Variants in PDGFA observed in about 807,000 individuals in gnomAD.
The protein encoded by PDGFA is platelet-derived growth factor subunit A.
A neutral mutation model predicts 25.6 loss-of-function variants in PDGFA; 9 were observed. The observed-to-expected ratio is 0.35, with a 90% CI of 0.21 to 0.61. The LOEUF (loss-of-function observed/expected upper bound fraction) is 0.61. PDGFA is among the 20% of genes least tolerant of loss of function. The probability of loss-of-function intolerance (pLI) is 0.75; values close to 1 mark genes in which losing one functional copy is unlikely to be tolerated. For missense variants in PDGFA, 242 were observed against 272.8 expected (o/e 0.89, Z 0.79); for synonymous variants, 133 against 111.8 (o/e 1.19, Z -1.20).
chr7:516,042 C>G (rs1452189711), intron 2 of PDGFA, among the ~76,000 whole-genome samples: 13 of 54,334 alleles, frequency 2.4e-4, no homozygotes, highest in Non-Finnish European at 3.9e-4. Flanking sequence ...AGGAAGCAGC[C>G]CCCCCCCCCC....
At chr7:514,433 C>T (rs1562492532) in intron 2 of PDGFA, among the ~76,000 whole-genome samples, 1 of 152,224 alleles carries the variant, frequency 6.6e-6, no homozygotes, top group African/African-American at 2.4e-5. Context: ...CAAGCCCACC[C>T]TTTGCTCCCA....
chr7:497,959 C>CAAAAAAAAAAAAAAAAAAACAAAAA, exon 6 of PDGFA: 1 of 56,688 alleles, frequency 1.8e-5, no homozygotes, highest in Non-Finnish European at 3.0e-5. Context: ...AAAAAAAAAA[C>CAAAAAAAAAAAAAAAAAAACAAAAA]AAAAAAAAAA....
intron 4 of PDGFA, among the ~76,000 whole-genome samples, chr7:501,808 G>A (rs895395444): frequency 6.6e-6 from 1 of 152,212 alleles, no homozygotes; most frequent in Non-Finnish European, 1.5e-5. Flanking sequence ...GCTGAAGGAT[G>A]CACACTGCTA....
At chr7:505,039 C>T (rs1008248725) in intron 4 of PDGFA, among the ~76,000 whole-genome samples, 2 of 152,236 alleles carry the variant, frequency 1.3e-5, no homozygotes, top group African/African-American at 2.4e-5. Flanking sequence ...ATGATTGCAC[C>T]TGTTTCTGAG....
At chr7:499,105 A>G (rs1782214328) in intron 5 of PDGFA, among the ~76,000 whole-genome samples, 1 of 152,218 alleles carries the variant, frequency 6.6e-6, no homozygotes, top group East Asian at 1.9e-4. Context: ...CATGAGTACC[A>G]GCCAGGCATG....
rs568540825 is a variant in PDGFA, at chr7:512,252, G to C, written c.265+99C>G. On this transcript the variant is annotated intron_variant, in intron 3 of 5. Transcript: ENST00000402802. ...CCTGAGGCCACTGCGCTGGGAGAGC[G>C]GGCAGCTCCTCCCCACCCGGCCCTG... 34 of 1,134,204 alleles carry C rather than the reference G, an allele frequency of 3.0e-5. No individual in the cohort carries two copies. The African/African-American group carries it at 4.8e-4, about 16-fold the overall frequency. 70.3% of individuals were successfully genotyped at this position (1,134,204 alleles called of 1,614,324 possible). A position where few individuals can be genotyped will look rare whatever the true frequency, so the allele number is the denominator to read the frequency against.
At chr7:498,264 G>A (rs13308088) in exon 6 of PDGFA, 12 of 469,226 alleles carry the variant, frequency 2.6e-5, no homozygotes, top group Non-Finnish European at 4.2e-5. Flanking sequence ...ATCGAGTTTA[G>A]ATATTTTTGT....
chr7:510,964 T>C (rs1349481411), exon 4 of PDGFA: 2 of 1,612,648 alleles, frequency 1.2e-6, no homozygotes, highest in African/African-American at 2.7e-5. Context: ...TAAATGACCG[T>C]CCTGGTCTTG....
rs1323166852 is a variant in PDGFA, at chr7:512,208, G to C, written c.265+143C>G. ...ACCAGGGCCAGGCCTATTTTAGGGAGGAGGGAACGGGTGGCTTGCCTGAGG... is the reference window on the plus strand; with the variant it reads ...ACCAGGGCCAGGCCTATTTTAGGGACGAGGGAACGGGTGGCTTGCCTGAGG... On this transcript the variant is annotated intron_variant, in intron 3 of 5. Coordinates refer to ENST00000402802, the Ensembl canonical transcript of PDGFA. 2.0e-5 allele frequency: 15 copies of C among 737,960 alleles called. No homozygotes were observed. In the Admixed American group the frequency reaches 2.3e-4, roughly 11 times the overall value. 45.7% of individuals were successfully genotyped at this position (737,960 alleles called of 1,614,324 possible). A position where few individuals can be genotyped will look rare whatever the true frequency, so the allele number is the denominator to read the frequency against.
Position 500,597 on chromosome 7 carries a change from AG to A in PDGFA, c.580+518del, listed in dbSNP as rs1169864816. ...ACCTACGGCATTTGTTTATCTTTCC[AG>A]AAGAGAAGGCCAGCACCCTGGCACC... On this transcript the variant is annotated intron_variant, in intron 5 of 5. Coordinates refer to ENST00000402802, the Ensembl canonical transcript of PDGFA. This position sits in a 1 kb window ranked among gnomAD's most constrained non-coding sequence, Gnocchi z 5.0. 8.2e-6 allele frequency: 13 copies of A among 1,590,004 alleles called. No homozygotes were observed. Among genetic ancestry groups the A allele is most frequent in the Non-Finnish European group, 9.4e-6 (11 of 1,169,734 alleles).
rs757957328 is a variant in PDGFA, at chr7:500,486, C to T, written c.580+630G>A. ...TTTTTCTTTTCCGTTTTTTACCTGA[C>T]TCCCTAGGCCTTCCTGTTAACAAAA... is the stretch of plus-strand genomic sequence containing the variant. On this transcript the variant is annotated intron_variant, in intron 5 of 5. Coordinates refer to ENST00000402802, the Ensembl canonical transcript of PDGFA. The surrounding 1 kb of genome is among the most constrained non-coding windows in gnomAD (Gnocchi z 5.0). The T allele has an allele frequency of 6.2e-7, 1 of 1,614,068 alleles. No individual in the cohort carries two copies. The highest frequency in any genetic ancestry group is 2.2e-5 in the East Asian group (1 of 44,886).
chr7:519,204 G>A, exon 1 of PDGFA: 1 of 416,944 alleles, frequency 2.4e-6, no homozygotes, highest in East Asian at 3.8e-5. Context: ...GCCAGGAGGA[G>A]GAGAAACAGG....
At chr7:515,524 G>GCC (rs1783049744) in intron 2 of PDGFA, among the ~76,000 whole-genome samples, 1 of 152,212 alleles carries the variant, frequency 6.6e-6, no homozygotes, top group South Asian at 2.1e-4. Flanking sequence ...GACCAAGGAG[G>GCC]CCCCCCTATG....
rs1782551584 is a variant in PDGFA at position 506,081 on chromosome 7, CAGA to C, written c.453+4725_453+4727del. On this transcript the variant is annotated intron_variant, in intron 4 of 5. Coordinates refer to ENST00000402802, the Ensembl canonical transcript of PDGFA. ...ATCCCAGCTACTCGAGAGGCTAAGG[CAGA>C]AGAATTGCCTGAACCCGGGAGGTGG... 3.3e-5 allele frequency among the ~76,000 whole-genome samples: 5 copies of C among 150,700 alleles called. No individual in the cohort carries two copies. In the South Asian group the frequency reaches 6.3e-4, roughly 19 times the overall value.
chr7:507,149 C>A (rs1038443604), intron 4 of PDGFA, among the ~76,000 whole-genome samples: 3 of 152,250 alleles, frequency 2.0e-5, no homozygotes, highest in Non-Finnish European at 4.4e-5. Context: ...TGACCTTTGT[C>A]CCCTCAGCCA....
intron 5 of PDGFA, among the ~76,000 whole-genome samples, chr7:499,652 C>T (rs1205297689): frequency 1.6e-5 from 2 of 124,538 alleles, no homozygotes; most frequent in East Asian, 4.8e-4. Context: ...GGGATGGCAG[C>T]TGAGAAAAAC....
chr7:512,707 A>C, intron 2 of PDGFA: 1 of 1,381,970 alleles, frequency 7.2e-7, no homozygotes. Flanking sequence ...AGGTCCCCAC[A>C]TTCAGGGGCC....
rs1206556013 is a variant in PDGFA, at chr7:500,290, A to G, written c.580+826T>C. On this transcript the variant is annotated intron_variant, in intron 5 of 5. Coordinates refer to ENST00000402802, the Ensembl canonical transcript of PDGFA. The surrounding 1 kb of genome is among the most constrained non-coding windows in gnomAD (Gnocchi z 5.0). ...AGCGGACGGGGAGCAAGGAGACCCA[A>G]GCCCAGCAGACACCATCAAGGCCAA... is the stretch of plus-strand genomic sequence containing the variant. 1 of 901,178 alleles carries G rather than the reference A, an allele frequency of 1.1e-6. No individual in the cohort carries two copies. The highest frequency in any genetic ancestry group is 1.6e-5 in the South Asian group (1 of 60,684). 55.8% of individuals were successfully genotyped at this position (901,178 alleles called of 1,614,324 possible). A position where few individuals can be genotyped will look rare whatever the true frequency, so the allele number is the denominator to read the frequency against.
chr7:499,377 C>G (rs962659366), intron 5 of PDGFA, among the ~76,000 whole-genome samples: 1 of 152,232 alleles, frequency 6.6e-6, no homozygotes, highest in Non-Finnish European at 1.5e-5. Context: ...CAAACAGGAG[C>G]CAGGGTTCTC....
Sources: gnomAD v4.1 joint callset for allele counts (sites outside exome capture counted in the v4.1 genomes callset) on GRCh38, gnomAD v4.1.1 for gene constraint, Gnocchi (gnomAD v3.1) non-coding constraint, MANE v1.5 for transcripts, NCBI Gene and HGNC (gene_info 2026-07-23, HGNC 2026-07-21) for gene names.